Variants in CACNA1C observed in about 807,000 individuals in gnomAD.
The protein encoded by CACNA1C is calcium voltage-gated channel subunit alpha1 C.
In CACNA1C, 30 loss-of-function variants were observed where a neutral mutation model predicts 229.0. The ratio of observed to expected loss-of-function variants is 0.13; its 90% CI spans 0.10 to 0.18. The LOEUF is 0.18. Among genes scored for constraint, CACNA1C ranks in the 10% least tolerant of loss-of-function variants. The pLI is 1.00. For missense variants in CACNA1C, 1,658 were observed against 2,845.0 expected (o/e 0.58, Z 9.49); for synonymous variants, 1,114 against 1,132.5 (o/e 0.98, Z 0.33).
At chr12:2,171,095 G>A (rs1269845238) in intron 3 of CACNA1C, among the ~76,000 whole-genome samples, 6 of 152,208 alleles carry the variant, frequency 3.9e-5, no homozygotes, top group Admixed American at 1.3e-4. Context: ...TTTACCTGGC[G>A]GATCCCTGAA....
intron 3 of CACNA1C, among the ~76,000 whole-genome samples, chr12:2,289,749 C>T (rs568219706): frequency 3.9e-5 from 6 of 152,180 alleles, no homozygotes; most frequent in Admixed American, 2.0e-4. Context: ...GGGTACACAC[C>T]GGGGACACCT....
intron 7 of CACNA1C, among the ~76,000 whole-genome samples, chr12:2,500,716 G>A (rs1026815351): frequency 1.3e-5 from 2 of 152,258 alleles, no homozygotes; most frequent in East Asian, 1.9e-4. Context: ...TGACGCACAC[G>A]GGGCAAGCTC....
At chr12:2,550,767 C>A in intron 10 of CACNA1C, 1 of 900,988 alleles carries the variant, frequency 1.1e-6, no homozygotes. Flanking sequence ...AAGCGCAGCC[C>A]TTTCACAACG....
At chr12:2,452,570 C>T (rs1483819502) in intron 4 of CACNA1C, among the ~76,000 whole-genome samples, 1 of 152,208 alleles carries the variant, frequency 6.6e-6, no homozygotes, top group Non-Finnish European at 1.5e-5. Context: ...CACACCAGAG[C>T]CCAACCCTCA....
intron 30 of CACNA1C, among the ~76,000 whole-genome samples, chr12:2,636,252 G>T (rs2092649732): frequency 6.6e-6 from 1 of 152,190 alleles, no homozygotes; most frequent in Non-Finnish European, 1.5e-5. Context: ...ACCGCAAGCT[G>T]CCCCCCTGTA....
chr12:2,472,719 G>T (rs1347909812), intron 5 of CACNA1C, among the ~76,000 whole-genome samples: 1 of 151,876 alleles, frequency 6.6e-6, no homozygotes, highest in Admixed American at 6.6e-5. Context: ...TTTTTTCCTT[G>T]ACTATCACAT....
At chr12:2,349,195 G>GA (rs1381053175) in intron 3 of CACNA1C, among the ~76,000 whole-genome samples, 1 of 152,178 alleles carries the variant, frequency 6.6e-6, no homozygotes, top group Non-Finnish European at 1.5e-5. Flanking sequence ...CCATGGACTG[G>GA]AAAACGTCAG....
chr12:2,079,509 T>A lies in CACNA1C; in HGVS notation c.49+25898T>A, dbSNP rs554072933. ...GGCAGAGAGTTGAGAACTGAAGAGCTCTCTCATGGCTCTTTCTATAAGGGC... is the reference window on the plus strand; with the variant it reads ...GGCAGAGAGTTGAGAACTGAAGAGCACTCTCATGGCTCTTTCTATAAGGGC... On this transcript the variant is annotated intron_variant, in intron 1 of 46. Transcript: ENST00000399655. Among the ~76,000 whole-genome samples the A allele has an allele frequency of 2.0e-5, 3 of 152,176 alleles. No individual in the cohort carries two copies. In the East Asian group the frequency reaches 5.8e-4, roughly 29 times the overall value.
chr12:2,502,648 A>G (rs1179434286), intron 7 of CACNA1C, among the ~76,000 whole-genome samples: 1 of 150,520 alleles, frequency 6.6e-6, no homozygotes, highest in African/African-American at 2.4e-5. Context: ...ATCTCAATGG[A>G]TCTGTAAAGA....
intron 1 of CACNA1C, among the ~76,000 whole-genome samples, chr12:2,025,195 G>A (rs1323974293): frequency 6.6e-6 from 1 of 151,346 alleles, no homozygotes; most frequent in Non-Finnish European, 1.5e-5. Context: ...CTTCTAGTGG[G>A]AAGGGTCACT....
intron 9 of CACNA1C, among the ~76,000 whole-genome samples, chr12:2,524,777 G>A (rs1312499692): frequency 2.0e-5 from 3 of 152,204 alleles, no homozygotes; most frequent in South Asian, 2.1e-4. Context: ...GGCATTGCTC[G>A]CGACACACCA....
At chr12:2,373,485 G>A (rs2097925360) in intron 3 of CACNA1C, among the ~76,000 whole-genome samples, 1 of 152,136 alleles carries the variant, frequency 6.6e-6, no homozygotes, top group African/African-American at 2.4e-5. Context: ...GCCCTGAGGA[G>A]CCTGCCCTGG....
intron 3 of CACNA1C, among the ~76,000 whole-genome samples, chr12:2,239,488 C>T (rs2068901508): frequency 6.6e-6 from 1 of 152,174 alleles, no homozygotes; most frequent in Middle Eastern, 3.2e-3. Flanking sequence ...GCCGTTCATT[C>T]CCAGGGCTGC....
At chr12:2,419,827 TCAACCACAC>T (rs1482159711) in intron 3 of CACNA1C, among the ~76,000 whole-genome samples, 1 of 152,108 alleles carries the variant, frequency 6.6e-6, no homozygotes, top group Non-Finnish European at 1.5e-5. Context: ...CAATCCAACC[TCAACCACAC>T]GGGAGAGAGG....
intron 13 of CACNA1C, among the ~76,000 whole-genome samples, chr12:2,577,029 C>T (rs1451353305): frequency 1.3e-5 from 2 of 152,260 alleles, no homozygotes; most frequent in South Asian, 4.1e-4. Flanking sequence ...GAGCACCCCT[C>T]GTGATGCCAG....
rs565079963 is a variant in CACNA1C, at chr12:2,647,310, C to T, written c.3913-1165C>T. ...GAGCCCTCTGTGCTGGAGCCCAAAA[C>T]GTAAGGGCACCTTCCCAGATCCAGG... On this transcript the variant is annotated intron_variant, in intron 30 of 46. Coordinates refer to ENST00000399655, the MANE Select transcript of CACNA1C (RefSeq NM_000719.7). The surrounding 1 kb of genome is among the most constrained non-coding windows in gnomAD (Gnocchi z 4.2). 6.6e-5 allele frequency among the ~76,000 whole-genome samples: 10 copies of T among 152,300 alleles called. No homozygotes were observed. Among genetic ancestry groups the T allele is most frequent in the South Asian group, 2.1e-4 (1 of 4,824 alleles).
intron 10 of CACNA1C, among the ~76,000 whole-genome samples, chr12:2,555,119 C>T (rs1320211463): frequency 6.6e-6 from 1 of 152,216 alleles, no homozygotes; most frequent in South Asian, 2.1e-4. Context: ...ACCTGTAGTC[C>T]ACGACTGTGC....
At chr12:2,320,956 C>T (rs955232156) in intron 3 of CACNA1C, among the ~76,000 whole-genome samples, 6 of 152,196 alleles carry the variant, frequency 3.9e-5, no homozygotes, top group Admixed American at 3.3e-4. Flanking sequence ...CTGGGGGGCC[C>T]AGAGGAGGGG....
At chr12:2,536,278 A>G (rs566984284) in intron 9 of CACNA1C, among the ~76,000 whole-genome samples, 29 of 152,370 alleles carry the variant, frequency 1.9e-4, no homozygotes, top group African/African-American at 7.0e-4. Flanking sequence ...GGCAAAGAAC[A>G]GGGTGCAAAC....
Sources: allele counts gnomAD v4.1 joint callset (sites outside exome capture counted in the v4.1 genomes callset), GRCh38; gene constraint gnomAD v4.1.1; non-coding constraint Gnocchi (gnomAD v3.1); transcripts MANE v1.5; gene names NCBI Gene and HGNC (gene_info 2026-07-23, HGNC 2026-07-21).